The following AQP11 variants were observed in gnomAD, a reference collection of about 807,000 sequenced individuals.
The protein encoded by AQP11 is aquaporin 11, also known as aquaporin-11.
Under a neutral mutation model 21.1 loss-of-function variants are expected in AQP11, and 20 were observed. The ratio of observed to expected loss-of-function variants is 0.95; its 90% CI spans 0.67 to 1.38. The LOEUF (loss-of-function observed/expected upper bound fraction) is 1.38. AQP11 is among the 40% of genes most tolerant of loss of function. The pLI, the probability that AQP11 is intolerant of heterozygous loss-of-function variation, is 0.00. For synonymous variants in AQP11, 167 were observed against 150.1 expected (o/e 1.11, Z -0.82); for missense variants, 339 against 340.4 (o/e 1.00, Z 0.03).
intron 1 of AQP11, among the ~76,000 whole-genome samples, chr11:77,596,717 A>G (rs957294334): frequency 9.3e-5 from 14 of 151,142 alleles, no homozygotes; most frequent in African/African-American, 3.2e-4. Context: ...AAAATTAGCC[A>G]GGTATGGTGG....
intron 1 of AQP11, among the ~76,000 whole-genome samples, chr11:77,591,868 C>G (rs1958750229): frequency 6.9e-6 from 1 of 145,772 alleles, no homozygotes; most frequent in Non-Finnish European, 1.5e-5. Flanking sequence ...CAGTGAGACT[C>G]TGTCTCAAAA....
At chr11:77,603,744 A>AC in intron 2 of AQP11, 72 bp downstream of exon 2, 2 of 1,114,022 alleles carry the variant, frequency 1.8e-6, no homozygotes, top group Non-Finnish European at 2.5e-6. Context: ...ATATCATTGT[A>AC]ACATGTCAAT....
At chr11:77,605,499 G>A (rs777040525) in intron 2 of AQP11, among the ~76,000 whole-genome samples, 6 of 152,088 alleles carry the variant, frequency 3.9e-5, no homozygotes, top group East Asian at 3.9e-4. Context: ...ACAAAGCTCC[G>A]TCTCCTGTCA....
chr11:77,593,979 G>A (rs1425208677), intron 1 of AQP11, among the ~76,000 whole-genome samples: 1 of 152,136 alleles, frequency 6.6e-6, no homozygotes, highest in Non-Finnish European at 1.5e-5. Context: ...AATACTGTAT[G>A]GCTCTACATA....
chr11:77,591,290 C>T, intron 1 of AQP11: 6 of 984,386 alleles, frequency 6.1e-6, no homozygotes, highest in Non-Finnish European at 7.2e-6. Context: ...TCTTTTAAAC[C>T]ATTTGTTTAC....
At chr11:77,595,046 T>C (rs1420993352) in intron 1 of AQP11, among the ~76,000 whole-genome samples, 3 of 152,148 alleles carry the variant, frequency 2.0e-5, no homozygotes, top group Admixed American at 2.0e-4. Flanking sequence ...TAATTAGATA[T>C]TGAAAAACAC....
rs377545413 is a variant in AQP11 at position 77,609,310 on chromosome 11, T to C, written c.749T>C (p.Met250Thr). The change falls in exon 3 of 3, where the codon ATG becomes ACG. Residue 250 changes from methionine (M) to threonine (T), a missense_variant. Coordinates refer to ENST00000313578, the MANE Select transcript of AQP11 (RefSeq NM_173039.3). ...TTTTGTCTTTCAGGTATATTGTTGA[T>C]GATTTTGATGTTCAGCTTTTTCCTT... ...WLAPSLGILL[M>T]ILMFSFFLPW... 8.1e-6 allele frequency: 13 copies of C among 1,612,524 alleles called. No individual in the cohort carries two copies. The highest frequency in any genetic ancestry group is 1.0e-5 in the Non-Finnish European group (12 of 1,179,328).
chr11:77,602,550 G>GT (rs1958821247), intron 1 of AQP11, among the ~76,000 whole-genome samples: 1 of 152,200 alleles, frequency 6.6e-6, no homozygotes, highest in African/African-American at 2.4e-5. Flanking sequence ...GAATCATGCT[G>GT]TGAGGCTGGT....
chr11:77,590,950 G>A, intron 1 of AQP11: 1 of 985,418 alleles, frequency 1.0e-6, no homozygotes, highest in Non-Finnish European at 1.2e-6. Flanking sequence ...TCATGCCAAG[G>A]TGGTATAGAT....
chr11:77,597,831 G>A (rs1958792517), intron 1 of AQP11, among the ~76,000 whole-genome samples: 1 of 151,570 alleles, frequency 6.6e-6, no homozygotes, highest in African/African-American at 2.4e-5. Context: ...TCGGCTCACT[G>A]CAACCTCCGA....
At position 77,602,928 on chromosome 11, in the gene AQP11, G is replaced by A. The variant is rs369205737; in HGVS notation, c.620-628G>A. 3.0e-4 allele frequency among the ~76,000 whole-genome samples: 45 copies of A among 152,272 alleles called. No homozygotes were observed. The East Asian group carries it at 4.2e-3, about 14-fold the overall frequency. On this transcript the variant is annotated intron_variant, in intron 1 of 2. Transcript: ENST00000313578. Reference sequence around the variant, plus strand: ...GGCATCCAGCCTCCTCTTCCATTCCGCACTTGTGTGGCCAGACTATAGACT... The same window carrying A: ...GGCATCCAGCCTCCTCTTCCATTCCACACTTGTGTGGCCAGACTATAGACT...
At chr11:77,609,235 C>T (rs1958863495) in intron 2 of AQP11, 63 bp from the exon 3 acceptor site, 1 of 1,245,798 alleles carries the variant, frequency 8.0e-7, no homozygotes, top group Non-Finnish European at 1.2e-6. Context: ...AAAATATACC[C>T]ACCTAGTGAT....
chr11:77,592,592 T>C (rs1389408083), intron 1 of AQP11, among the ~76,000 whole-genome samples: 1 of 152,250 alleles, frequency 6.6e-6, no homozygotes, highest in Non-Finnish European at 1.5e-5. Context: ...TAATACATAT[T>C]TATGATTCCA....
intron 1 of AQP11, among the ~76,000 whole-genome samples, chr11:77,603,302 C>T (rs933871142): frequency 2.0e-5 from 3 of 152,120 alleles, no homozygotes; most frequent in East Asian, 1.9e-4. Flanking sequence ...AGCACATTAA[C>T]TTTCAGTGTC....
intron 2 of AQP11, among the ~76,000 whole-genome samples, chr11:77,605,825 G>A (rs895666399): frequency 1.3e-5 from 2 of 152,044 alleles, no homozygotes; most frequent in African/African-American, 2.4e-5. Flanking sequence ...TTGGGAGGCC[G>A]AGGTGCGTGG....
intron 2 of AQP11, among the ~76,000 whole-genome samples, chr11:77,608,730 G>A (rs1314857513): frequency 6.6e-6 from 1 of 152,090 alleles, no homozygotes; most frequent in South Asian, 2.1e-4. Flanking sequence ...CCAGTTAATG[G>A]TCAGTTAAAT....
intron 2 of AQP11, among the ~76,000 whole-genome samples, chr11:77,604,290 A>T (rs906915650): frequency 6.6e-6 from 1 of 152,080 alleles, no homozygotes; most frequent in Admixed American, 6.6e-5. Flanking sequence ...TAATTTTTGT[A>T]TATTTTGTAG....
chr11:77,604,702 A>G (rs892806064), intron 2 of AQP11, among the ~76,000 whole-genome samples: 3 of 152,232 alleles, frequency 2.0e-5, no homozygotes, highest in African/African-American at 4.8e-5. Context: ...TTTACCTTCC[A>G]TTCCTCTATC....
Position 77,590,492 on chromosome 11 carries a change from T to C in AQP11, c.500T>C (p.Val167Ala). 3 of 1,614,080 alleles carry C rather than the reference T, an allele frequency of 1.9e-6. No individual in the cohort carries two copies. The highest frequency in any genetic ancestry group is 1.7e-6 in the Non-Finnish European group (2 of 1,180,016). Residue 167 changes from valine (V) to alanine (A), a missense_variant, in exon 1 of 3, where the codon GTC (valine) becomes GCC (alanine). Physicochemically the swap from Val to Ala is moderately conservative, Grantham distance 64. Transcript: ENST00000313578. ...ATCCGAGTCGACTTGCTCAAAGCGG[T>C]CATCACAGAGGCCGTCTGCTCCTTT... ...NPIRVDLLKA[V>A]ITEAVCSFLF...
Sources: allele counts gnomAD v4.1 joint callset (sites outside exome capture counted in the v4.1 genomes callset), GRCh38; gene constraint gnomAD v4.1.1; transcripts MANE v1.5; gene names NCBI Gene and HGNC (gene_info 2026-07-23, HGNC 2026-07-21).